Variants in EXOC6 observed in about 807,000 individuals in gnomAD.
EXOC6 encodes exocyst complex component 6, also known as SEC15-like 1.
A neutral mutation model predicts 112.5 loss-of-function variants in EXOC6; 60 were observed. That is an observed-to-expected ratio of 0.53 (90% CI 0.43 to 0.66). The LOEUF (loss-of-function observed/expected upper bound fraction) is 0.66. Ranked by LOEUF, EXOC6 falls within the 30% of genes least tolerant of loss-of-function variation. The pLI is 0.00. For missense variants in EXOC6, 855 were observed against 957.1 expected, an observed-to-expected ratio of 0.89 and a Z score of 1.41; for synonymous variants, 295 against 308.0, an observed-to-expected ratio of 0.96 and a Z score of 0.44.
intron 1 of EXOC6, among the ~76,000 whole-genome samples, chr10:92,883,138 A>G (rs1849046470): frequency 6.6e-6 from 1 of 152,214 alleles, no homozygotes; most frequent in Admixed American, 6.5e-5. Flanking sequence ...GTTTAAATAA[A>G]TGTTTTCAAA....
At chr10:92,988,752 G>A (rs1843109109) in intron 18 of EXOC6, among the ~76,000 whole-genome samples, 1 of 151,512 alleles carries the variant, frequency 6.6e-6, no homozygotes, top group Non-Finnish European at 1.5e-5. Flanking sequence ...TTGAGGCCAG[G>A]AGTTCAAGAT....
At chr10:92,841,447 C>T (rs745781955) in intron 1 of EXOC6, among the ~76,000 whole-genome samples, 2 of 152,114 alleles carry the variant, frequency 1.3e-5, no homozygotes, top group Non-Finnish European at 1.5e-5. Flanking sequence ...AATATCATGA[C>T]CTGATTTAAT....
At chr10:92,937,526 G>T (rs1165735008) in intron 12 of EXOC6, among the ~76,000 whole-genome samples, 3 of 152,242 alleles carry the variant, frequency 2.0e-5, no homozygotes, top group East Asian at 1.9e-4. Flanking sequence ...CTAAAGAGAA[G>T]ATTCCACAAG....
intron 18 of EXOC6, among the ~76,000 whole-genome samples, chr10:92,979,007 C>T (rs1385539331): frequency 1.3e-5 from 2 of 152,170 alleles, no homozygotes; most frequent in Non-Finnish European, 2.9e-5. Flanking sequence ...TCCAATAGTG[C>T]AAAAATTTGG....
chr10:93,022,618 A>C (rs1248779250), intron 20 of EXOC6, among the ~76,000 whole-genome samples: 4 of 152,178 alleles, frequency 2.6e-5, no homozygotes, highest in African/African-American at 9.6e-5. Flanking sequence ...GCTTGGACTT[A>C]ATAAATTGAA....
intron 20 of EXOC6, among the ~76,000 whole-genome samples, chr10:93,052,038 C>G (rs925034962): frequency 7.9e-5 from 12 of 152,186 alleles, no homozygotes; most frequent in African/African-American, 2.2e-4. Flanking sequence ...AATTGCTTTT[C>G]TCTTGAGGTT....
At chr10:93,054,225 G>A (rs1259750582) in intron 20 of EXOC6, among the ~76,000 whole-genome samples, 1 of 152,162 alleles carries the variant, frequency 6.6e-6, no homozygotes, top group East Asian at 1.9e-4. Flanking sequence ...AAGAGATTTT[G>A]TCTTGTTCCA....
chr10:93,022,426 GTTAT>G (rs1031117712), intron 20 of EXOC6, among the ~76,000 whole-genome samples: 1 of 152,068 alleles, frequency 6.6e-6, no homozygotes, highest in African/African-American at 2.4e-5. Flanking sequence ...TTTTGGGTGA[GTTAT>G]TTTATTACAT....
intron 17 of EXOC6, among the ~76,000 whole-genome samples, chr10:92,969,676 A>G (rs1171258021): frequency 1.7e-5 from 2 of 120,032 alleles, no homozygotes; most frequent in Non-Finnish European, 3.5e-5. Flanking sequence ...GGATTATTGT[A>G]TTTTCTTTCT....
intron 19 of EXOC6, among the ~76,000 whole-genome samples, chr10:93,006,131 G>A (rs749334101): frequency 6.6e-6 from 1 of 151,904 alleles, no homozygotes; most frequent in Non-Finnish European, 1.5e-5. Context: ...CTGTACTCCC[G>A]CCTGGGTGAC....
chr10:92,983,711 T>C (rs139963119), intron 18 of EXOC6, among the ~76,000 whole-genome samples: 2,956 of 152,204 alleles, frequency 0.019, 97 homozygotes, highest in African/African-American at 0.067. Context: ...TTCACTGTTT[T>C]GGCCAGGCTG....
intron 17 of EXOC6, among the ~76,000 whole-genome samples, chr10:92,962,530 C>T (rs1854066684): frequency 1.3e-5 from 2 of 152,012 alleles, no homozygotes; most frequent in African/African-American, 2.4e-5. Flanking sequence ...GCTAGGACTA[C>T]AGGCCCATGC....
intron 8 of EXOC6, among the ~76,000 whole-genome samples, chr10:92,926,381 G>T (rs905728407): frequency 2.6e-5 from 4 of 151,898 alleles, no homozygotes; most frequent in Admixed American, 2.0e-4. Context: ...AAGGATAATG[G>T]ACTGGAAATA....
intron 1 of EXOC6, among the ~76,000 whole-genome samples, chr10:92,849,962 T>A (rs1208477254): frequency 6.6e-6 from 1 of 152,224 alleles, no homozygotes; most frequent in Non-Finnish European, 1.5e-5. Context: ...ACATAAGGTT[T>A]CTGCTATGAT....
chr10:92,983,124 T>A (rs1308097800), intron 18 of EXOC6, among the ~76,000 whole-genome samples: 2 of 152,252 alleles, frequency 1.3e-5, no homozygotes, highest in African/African-American at 4.8e-5. Context: ...ACCGCTATTG[T>A]GAAAGCAGAC....
chr10:92,860,129 TTTTTA>T (rs1169143782), intron 1 of EXOC6, among the ~76,000 whole-genome samples: 2 of 152,196 alleles, frequency 1.3e-5, no homozygotes, highest in African/African-American at 4.8e-5. Context: ...CAATCTTGGC[TTTTTA>T]TTTTATTTTT....
intron 18 of EXOC6, among the ~76,000 whole-genome samples, chr10:92,975,621 G>T (rs1223178110): frequency 7.3e-6 from 1 of 136,846 alleles, no homozygotes; most frequent in Admixed American, 7.0e-5. Context: ...AGGTTGGGGG[G>T]TCAGCCCCCT....
chr10:92,888,220 G>T (rs761894716), intron 1 of EXOC6, among the ~76,000 whole-genome samples: 1 of 151,976 alleles, frequency 6.6e-6, no homozygotes, highest in African/African-American at 2.4e-5. Context: ...TGGAGGGTGG[G>T]TATTGCATAT....
chr10:92,831,678 G>A (rs560782120), upstream of EXOC6, among the ~76,000 whole-genome samples: 38 of 152,034 alleles, frequency 2.5e-4, no homozygotes, highest in East Asian at 1.4e-3. Context: ...CAGGTGATCC[G>A]CCTGCCTCGG....
Sources: allele counts gnomAD v4.1 joint callset (sites outside exome capture counted in the v4.1 genomes callset), GRCh38; gene constraint gnomAD v4.1.1; transcripts MANE v1.5; gene names NCBI Gene and HGNC (gene_info 2026-07-23, HGNC 2026-07-21).